FGF13: variants seen among roughly 807,000 people sequenced by gnomAD.
FGF13 encodes fibroblast growth factor 13, also known as fibroblast growth factor homologous factor 2.
In FGF13, 2 loss-of-function variants were observed where a neutral mutation model predicts 19.5. The ratio of observed to expected loss-of-function variants is 0.10; its 90% CI spans 0.04 to 0.32. The LOEUF (loss-of-function observed/expected upper bound fraction) is 0.32. Among genes scored for constraint, FGF13 ranks in the 10% least tolerant of loss-of-function variants. The pLI, the probability that FGF13 is intolerant of heterozygous loss-of-function variation, is 1.00. For missense variants in FGF13, 113 were observed against 192.7 expected, an observed-to-expected ratio of 0.59 and a Z score of 2.45; for synonymous variants, 72 against 76.9, an observed-to-expected ratio of 0.94 and a Z score of 0.33.
chrX:139,028,710 A>AT (rs1569443998), intron 1 of FGF13, among the ~76,000 whole-genome samples: 5 of 89,492 alleles, frequency 5.6e-5, no homozygotes, highest in Non-Finnish European at 8.5e-5. Context: ...TGTGTGTGTG[A>AT]GAGAGAGAGA....
rs954706133 is a variant in FGF13 at position 138,893,386 on chromosome X, C to T, written c.-112-28736G>A. Among the ~76,000 whole-genome samples the T allele has an allele frequency of 4.5e-5, 5 of 111,589 alleles. No individual in the cohort carries two copies. The South Asian group carries it at 1.2e-3, about 26-fold the overall frequency. The stretch of plus-strand genomic sequence containing the variant: ...CCTCGGAGATTACAAGGTGCCCTCA[C>T]GTTTATTTATTATCTATCAAAATCC... On this transcript the variant is annotated intron_variant, in intron 1 of 2. Transcript: ENST00000421460.
At position 138,955,833 on chromosome X, in the gene FGF13, G is replaced by A. The variant is rs1009973611; in HGVS notation, c.-112-91183C>T. On this transcript the variant is annotated intron_variant, in intron 1 of 2. Transcript: ENST00000421460. ...CCACCTTGCCTCTAACCCTAAGAAA[G>A]GGGTCTGTGCACTGCCTTTCTACTT... 3.6e-5 allele frequency among the ~76,000 whole-genome samples: 4 copies of A among 111,990 alleles called. No individual in the cohort carries two copies. The Admixed American group carries it at 3.8e-4, about 11-fold the overall frequency.
At chrX:138,897,273 G>T (rs1005050282) in intron 1 of FGF13, among the ~76,000 whole-genome samples, 1 of 110,893 alleles carries the variant, frequency 9.0e-6, no homozygotes, top group Non-Finnish European at 1.9e-5. Flanking sequence ...GCCTACGAAA[G>T]TGCTGGGATT....
At position 139,099,431 on chromosome X, in the gene FGF13, C is replaced by T. The variant is rs190478030; in HGVS notation, c.-113+103985G>A. 1.9e-3 allele frequency among the ~76,000 whole-genome samples: 191 copies of T among 100,471 alleles called. 2 individuals carry two copies. The highest frequency in any genetic ancestry group is 6.7e-3 in the African/African-American group (184 of 27,328). 87.2% of individuals were successfully genotyped at this position (100,471 alleles called of 115,157 possible). A position where few individuals can be genotyped will look rare whatever the true frequency, so the allele number is the denominator to read the frequency against. On this transcript the variant is annotated intron_variant, in intron 1 of 2. Transcript: ENST00000421460. The stretch of plus-strand genomic sequence containing the variant: ...AAGGAAAGAAAAAACAAAAACTCTA[C>T]TTGCTAAGCCTCAATACTGGCTGGA...
chrX:139,077,083 C>T (rs955776957), intron 1 of FGF13, among the ~76,000 whole-genome samples: 5 of 111,704 alleles, frequency 4.5e-5, no homozygotes, highest in African/African-American at 1.3e-4. Flanking sequence ...GGGATCAATT[C>T]AGTGTTCTGC....
chrX:138,642,451 T>C (rs866572476), intron 3 of FGF13, among the ~76,000 whole-genome samples: 1 of 111,409 alleles, frequency 9.0e-6, no homozygotes, highest in Non-Finnish European at 1.9e-5. Context: ...ATCTTACTGG[T>C]TGTTGTATGA....
At position 138,847,453 on chromosome X, in the gene FGF13, T is replaced by C. The variant is rs1455580631; in HGVS notation, c.217+10059A>G. Among the ~76,000 whole-genome samples, 4 of 111,716 alleles carry C rather than the reference T, an allele frequency of 3.6e-5. No individual in the cohort carries two copies. In the East Asian group the frequency reaches 8.5e-4, roughly 24 times the overall value. On this transcript the variant is annotated intron_variant, in intron 3 of 6. Transcript: ENST00000436198. ...CTGGACATGCTTCTGAGAATATATA[T>C]CTTAAAATAGCTAGGGCTCATAAGT...
intron 3 of FGF13, among the ~76,000 whole-genome samples, chrX:138,662,870 T>G (rs933528583): frequency 5.4e-5 from 6 of 111,839 alleles, no homozygotes; most frequent in African/African-American, 1.9e-4. Context: ...ACCATCCAGC[T>G]GACAGGCATA....
At chrX:138,733,892 T>C (rs1286894402) in intron 1 of FGF13, among the ~76,000 whole-genome samples, 6 of 109,828 alleles carry the variant, frequency 5.5e-5, no homozygotes, top group Non-Finnish European at 9.5e-5. Context: ...AAAAAAAAAA[T>C]GAAAACCTGA....
intron 1 of FGF13, among the ~76,000 whole-genome samples, chrX:138,937,522 T>C (rs1397127585): frequency 3.6e-5 from 4 of 112,036 alleles, no homozygotes; most frequent in East Asian, 5.6e-4. Context: ...ACCCAGTACA[T>C]TGGCATTCTC....
chrX:138,920,732 C>T (rs1387656293), intron 1 of FGF13, among the ~76,000 whole-genome samples: 3 of 111,260 alleles, frequency 2.7e-5, no homozygotes, highest in Non-Finnish European at 5.7e-5. Flanking sequence ...AAGGACTGGA[C>T]GAGCGAGGTG....
intron 1 of FGF13, among the ~76,000 whole-genome samples, chrX:139,001,557 G>C (rs1330115824): frequency 9.0e-6 from 1 of 110,878 alleles, no homozygotes; most frequent in Non-Finnish European, 1.9e-5. Context: ...CTCAAAAGAA[G>C]ACATTTATGT....
chrX:139,015,891 C>G (rs2092150880), intron 1 of FGF13, among the ~76,000 whole-genome samples: 1 of 111,511 alleles, frequency 9.0e-6, no homozygotes, highest in African/African-American at 3.3e-5. Flanking sequence ...ATGGAGAACC[C>G]AAAGACAAAT....
intron 3 of FGF13, among the ~76,000 whole-genome samples, chrX:138,813,288 A>G (rs980148656): frequency 4.5e-5 from 5 of 111,427 alleles, no homozygotes; most frequent in Non-Finnish European, 9.4e-5. Context: ...AATCTCCACT[A>G]TCATTGCGGA....
chrX:139,036,238 C>T (rs2092250193), intron 1 of FGF13, among the ~76,000 whole-genome samples: 1 of 111,325 alleles, frequency 9.0e-6, no homozygotes, highest in Non-Finnish European at 1.9e-5. Flanking sequence ...CAAACAAGAG[C>T]CCAGATGCTG....
chrX:139,160,554 C>G (rs2084022004), intron 1 of FGF13, among the ~76,000 whole-genome samples: 1 of 111,394 alleles, frequency 9.0e-6, no homozygotes, highest in African/African-American at 3.3e-5. Flanking sequence ...AATCCAGGAG[C>G]TGATTTTTGG....
intron 1 of FGF13, among the ~76,000 whole-genome samples, chrX:138,721,218 G>A (rs1602745623): frequency 2.7e-5 from 3 of 111,669 alleles, no homozygotes; most frequent in African/African-American, 6.5e-5. Context: ...CACATGGGCA[G>A]TCAATAAATA....
intron 1 of FGF13, among the ~76,000 whole-genome samples, chrX:138,922,205 G>A (rs149211899): frequency 0.022 from 2,384 of 110,871 alleles, 58 homozygotes; most frequent in African/African-American, 0.075. Flanking sequence ...AATATCCTGA[G>A]TGTAAGCAAT....
chrX:139,084,277 C>G (rs1025471248), intron 1 of FGF13, among the ~76,000 whole-genome samples: 1 of 111,004 alleles, frequency 9.0e-6, no homozygotes, highest in Non-Finnish European at 1.9e-5. Context: ...GAAGAGAAAT[C>G]GTTCATTTAG....
Sources: allele counts gnomAD v4.1 joint callset (sites outside exome capture counted in the v4.1 genomes callset), GRCh38; gene constraint gnomAD v4.1.1; transcripts MANE v1.5; gene names NCBI Gene and HGNC (gene_info 2026-07-23, HGNC 2026-07-21).